The following NUP98 variants were observed in gnomAD, a reference collection of about 807,000 sequenced individuals.
NUP98 encodes nucleoporin 98 and 96 precursor, also known as nuclear pore complex protein Nup98-Nup96.
NUP98 carries 26 observed loss-of-function variants against 191.9 expected under a neutral mutation model. That is an observed-to-expected ratio of 0.14 (90% CI 0.10 to 0.19). NUP98 has a LOEUF of 0.19. NUP98 is among the 10% of genes least tolerant of loss of function. NUP98 has a pLI of 1.00. For missense variants in NUP98, 1,941 were observed against 2,178.8 expected (o/e 0.89, Z 2.17); for synonymous variants, 808 against 778.4 (o/e 1.04, Z -0.63).
chr11:3,711,611 GGAAA>G, intron 20 of NUP98: 1 of 165,224 alleles, frequency 6.1e-6, no homozygotes, highest in African/African-American at 2.4e-5. Flanking sequence ...TAAAAAATTA[GGAAA>G]GAAGGAGATG....
At chr11:3,791,954 C>A (rs751131789) in intron 1 of NUP98, among the ~76,000 whole-genome samples, 1 of 151,026 alleles carries the variant, frequency 6.6e-6, no homozygotes, top group Non-Finnish European at 1.5e-5. Flanking sequence ...CGGAGGTGAG[C>A]GGATCACGAG....
At chr11:3,698,950 CT>C (rs2078595976) in intron 25 of NUP98, 131 bp downstream of exon 25, 1 of 991,524 alleles carries the variant, frequency 1.0e-6, no homozygotes. Context: ...AACCAGCAAT[CT>C]TTCTGGGAAG....
At chr11:3,785,991 T>C (rs941205834) in intron 1 of NUP98, among the ~76,000 whole-genome samples, 3 of 152,122 alleles carry the variant, frequency 2.0e-5, no homozygotes, top group East Asian at 1.9e-4. Flanking sequence ...AAGATAACAT[T>C]TGAGTTTTTA....
chr11:3,763,416 T>C (rs1247569411), intron 8 of NUP98, among the ~76,000 whole-genome samples: 1 of 152,198 alleles, frequency 6.6e-6, no homozygotes, highest in African/African-American at 2.4e-5. Flanking sequence ...CAAAATAGTA[T>C]GTCTAGGTCC....
chr11:3,708,956 AT>A (rs1461651823), intron 20 of NUP98, among the ~76,000 whole-genome samples: 3 of 152,164 alleles, frequency 2.0e-5, no homozygotes, highest in Non-Finnish European at 4.4e-5. Flanking sequence ...CTGTAAAATG[AT>A]TGTCTAAATA....
At chr11:3,715,030 T>G (rs1291654846) in intron 18 of NUP98, among the ~76,000 whole-genome samples, 1 of 152,146 alleles carries the variant, frequency 6.6e-6, no homozygotes, top group African/African-American at 2.4e-5. Context: ...GATCAGACAG[T>G]AATTCTATTT....
In NUP98 at chr11:3,679,760, A is replaced by G. The variant is rs2077931581; in HGVS notation, c.4919-52T>C. 3 of 1,559,294 alleles carry G rather than the reference A, an allele frequency of 1.9e-6. No individual in the cohort carries two copies. In the East Asian group the frequency reaches 6.8e-5, roughly 35 times the overall value. On this transcript the variant is annotated intron_variant, in intron 30 of 32. Transcript: ENST00000324932. ...TGTCTGCACAAGTGCATAGTTTCCA[A>G]AAGTACAGAAGACATGGCAGGAAGA...
chr11:3,684,707 T>C lies in NUP98; in HGVS notation c.4676+1266A>G, dbSNP rs750706836. On this transcript the variant is annotated intron_variant, in intron 29 of 32. Transcript: ENST00000324932. ...GACTATGCTAGATGCTTTATACTTT[T>C]ACTCTTTTTAATTTCACAATCACCT... 2.6e-4 allele frequency among the ~76,000 whole-genome samples: 38 copies of C among 147,634 alleles called. No homozygotes were observed. In the Middle Eastern group the frequency reaches 0.014, roughly 55 times the overall value.
At chr11:3,726,570 C>A (rs2079627465) in intron 14 of NUP98, among the ~76,000 whole-genome samples, 1 of 147,832 alleles carries the variant, frequency 6.8e-6, no homozygotes, top group African/African-American at 2.5e-5. Context: ...AACTTTATGC[C>A]AATAAATTTG....
chr11:3,692,087 C>T (rs975588230), intron 27 of NUP98, among the ~76,000 whole-genome samples: 2 of 151,988 alleles, frequency 1.3e-5, no homozygotes, highest in Admixed American at 6.6e-5. Flanking sequence ...TTCATGCATG[C>T]GTGTGAGATG....
intron 25 of NUP98, among the ~76,000 whole-genome samples, chr11:3,696,017 C>A (rs910306954): frequency 6.6e-6 from 1 of 151,958 alleles, no homozygotes; most frequent in Non-Finnish European, 1.5e-5. Flanking sequence ...CATGGTGAAA[C>A]CCCGTCCCTA....
rs760383213 is a variant in NUP98, at chr11:3,686,084, T to C, written c.4565A>G (p.His1522Arg). 2.5e-6 allele frequency: 4 copies of C among 1,614,150 alleles called. No individual in the cohort carries two copies. The highest frequency in any genetic ancestry group is 2.2e-5 in the East Asian group (1 of 44,882). Reference protein sequence around the residue: ...WEVLRALNYTHLSAQCEGVLQ... With the variant: ...WEVLRALNYTRLSAQCEGVLQ... ...CACACCTTCACACTGCGCTGAGAGA[T>C]GGGTGTAGTTAAGAGCCCTCAGCAC... Residue 1522 changes from histidine (H) to arginine (R), a missense_variant, in exon 29 of 33, where the codon CAT becomes CGT. Around this residue, in one of 6 missense-constraint regions of NUP98, gnomAD observed 1,030 missense variants for 1,115.8 expected, o/e 0.92. Transcript: ENST00000324932.
rs543021136 is a variant in NUP98 at position 3,701,304 on chromosome 11, G to A, written c.3513-465C>T. On this transcript the variant is annotated intron_variant, in intron 23 of 32. Coordinates refer to ENST00000324932, the MANE Select transcript of NUP98 (RefSeq NM_016320.5). ...AGATGGAGTTTCACACTGTCGCTGA[G>A]GTTGGAATGCAGTAGCGTGATCTTG... Among the ~76,000 whole-genome samples, 13 of 145,038 alleles carry A rather than the reference G, an allele frequency of 9.0e-5. No individual in the cohort carries two copies. In the East Asian group the frequency reaches 2.6e-3, roughly 29 times the overall value.
chr11:3,763,601 A>G (rs1362552731), intron 8 of NUP98, among the ~76,000 whole-genome samples: 1 of 152,200 alleles, frequency 6.6e-6, no homozygotes, highest in Non-Finnish European at 1.5e-5. Flanking sequence ...TCTGTTGCCC[A>G]GGCTGAAGTA....
In NUP98 at chr11:3,691,337, T is replaced by C. The variant is rs375242274; in HGVS notation, c.4454+10A>G. The C allele has an allele frequency of 9.5e-5, 154 of 1,613,878 alleles. No individual in the cohort carries two copies. The highest frequency in any genetic ancestry group is 1.2e-4 in the Non-Finnish European group (144 of 1,179,998). ...CACTCAAGTGACAATAAAGCCTGGC[T>C]CTCATTTACCTGTCACTGTAGAGTT... On this transcript the variant is annotated intron_variant, in intron 28 of 32. Transcript: ENST00000324932.
rs1442950233 is a variant in NUP98 at position 3,676,090 on chromosome 11, T to A, written c.*69A>T. 11 of 1,472,486 alleles carry A rather than the reference T, an allele frequency of 7.5e-6. No homozygotes were observed. The highest frequency in any genetic ancestry group is 1.0e-5 in the Non-Finnish European group (11 of 1,074,434). The allele number at this position is 1,472,486 out of a possible 1,614,324, so 91.2% of individuals were successfully genotyped here. The stretch of plus-strand genomic sequence containing the variant: ...CCCAGAGAATGGCAAACAGTGCCAA[T>A]CCAAACAAGGCAGGGAACCTCTGTG... On this transcript the variant is annotated 3_prime_UTR_variant, in exon 33 of 33. Coordinates refer to ENST00000324932, the MANE Select transcript of NUP98 (RefSeq NM_016320.5).
intron 28 of NUP98, among the ~76,000 whole-genome samples, chr11:3,690,363 C>T (rs1485535756): frequency 1.3e-5 from 2 of 151,940 alleles, no homozygotes; most frequent in Non-Finnish European, 2.9e-5. Context: ...GGGTTCACGC[C>T]ATTCCCCTGC....
At chr11:3,692,594 CAAA>C (rs34136134) in intron 27 of NUP98, among the ~76,000 whole-genome samples, 1 of 136,178 alleles carries the variant, frequency 7.3e-6, no homozygotes, top group Non-Finnish European at 1.6e-5. Flanking sequence ...GACTCCATCT[CAAA>C]AAAAAAAAAA....
intron 13 of NUP98, among the ~76,000 whole-genome samples, chr11:3,734,244 C>A (rs2079960398): frequency 6.6e-6 from 1 of 152,150 alleles, no homozygotes; most frequent in Non-Finnish European, 1.5e-5. Flanking sequence ...CCGTGTTGAC[C>A]AGGCTGGTCG....
Sources: gnomAD v4.1 joint callset for allele counts (sites outside exome capture counted in the v4.1 genomes callset) on GRCh38, gnomAD v4.1.1 for gene constraint, gnomAD v4.1.1 regional missense constraint, MANE v1.5 for transcripts, NCBI Gene and HGNC (gene_info 2026-07-23, HGNC 2026-07-21) for gene names.